ZNF611: variants seen among roughly 807,000 people sequenced by gnomAD.
The protein encoded by ZNF611 is zinc finger protein 611.
ZNF611 carries 6 observed loss-of-function variants against 8.9 expected under a neutral mutation model. The observed-to-expected ratio is 0.68, with a 90% CI of 0.37 to 1.34. The LOEUF is 1.34. Ranked by LOEUF, ZNF611 falls within the 40% of genes most tolerant of loss-of-function variation. The probability of loss-of-function intolerance (pLI) is 0.02; values close to 1 mark genes in which losing one functional copy is unlikely to be tolerated. For missense variants in ZNF611, 874 were observed against 841.3 expected (o/e 1.04, Z -0.48); for synonymous variants, 262 against 279.7 (o/e 0.94, Z 0.63).
intron 1 of ZNF611, among the ~76,000 whole-genome samples, chr19:52,732,223 T>C (rs991040047): frequency 1.3e-5 from 2 of 151,946 alleles, no homozygotes; most frequent in African/African-American, 4.8e-5. Flanking sequence ...TGAGCTGAGA[T>C]CGTGCCACTG....
At chr19:52,707,063 C>T (rs923734495) in intron 5 of ZNF611, among the ~76,000 whole-genome samples, 199 bp from the exon 6 acceptor site, 1 of 151,984 alleles carries the variant, frequency 6.6e-6, no homozygotes, top group Non-Finnish European at 1.5e-5. Flanking sequence ...TCTATGAAAG[C>T]CTATTTCCTA....
intron 3 of ZNF611, chr19:52,723,444 C>T (rs1014310556): frequency 9.2e-5 from 14 of 151,654 alleles, no homozygotes; most frequent in Admixed American, 4.6e-4. Flanking sequence ...TTAGTAGAGA[C>T]GGGGTTTCTC....
chr19:52,707,731 T>G (rs955531606), intron 5 of ZNF611, among the ~76,000 whole-genome samples: 2 of 151,934 alleles, frequency 1.3e-5, no homozygotes, highest in Non-Finnish European at 2.9e-5. Context: ...GCCTCCTGGG[T>G]TGAAGTGATT....
In ZNF611 at chr19:52,705,825, A is replaced by G. The variant is rs745876393; in HGVS notation, c.1230T>C (p.His410=). ...TTCTTCTATGTCGAGCCAGCTGTGA[A>G]TGCCACGTGAAAGCTGTGTCACAAA... ...CKVCDTAFTW[H]SQLARHRRIH... The change falls in exon 6 of 6, where the codon CAT becomes CAC. Residue 410 remains histidine, a synonymous_variant. Coordinates refer to ENST00000652185, the MANE Select transcript of ZNF611 (RefSeq NM_001161499.2). The G allele has an allele frequency of 6.2e-7, 1 of 1,613,644 alleles. No individual in the cohort carries two copies. The highest frequency in any genetic ancestry group is 1.7e-5 in the Admixed American group (1 of 59,970).
chr19:52,729,455 T>C (rs887259696), intron 2 of ZNF611, among the ~76,000 whole-genome samples: 2 of 118,046 alleles, frequency 1.7e-5, no homozygotes, highest in African/African-American at 6.7e-5. Flanking sequence ...ATTGCGCCAC[T>C]GCATTCCAGC....
At chr19:52,720,665 G>A (rs536543012) in intron 3 of ZNF611, among the ~76,000 whole-genome samples, 54 of 150,370 alleles carry the variant, frequency 3.6e-4, no homozygotes, top group Non-Finnish European at 6.1e-4. Context: ...CATCTCAGAC[G>A]GGGCGGCTGC....
Position 52,705,494 on chromosome 19 carries a change from G to A in ZNF611, c.1561C>T (p.Arg521Cys), listed in dbSNP as rs901901307. 3.7e-6 allele frequency: 6 copies of A among 1,613,846 alleles called. No homozygotes were observed. Among genetic ancestry groups the A allele is most frequent in the African/African-American group, 1.3e-5 (1 of 74,828 alleles). Residue 521 changes from arginine to cysteine, a missense_variant, in exon 6 of 6, where the codon CGT (arginine) becomes TGT (cysteine). Transcript: ENST00000652185. ...KCDECEKVFSRKSSLETHKIG... is the reference protein window; with the variant it reads ...KCDECEKVFSCKSSLETHKIG... ...TTATGTGTCTCAAGGCTTGATTTAC[G>A]ACTGAAAACCTTTTCACATTCATCA... is the stretch of plus-strand genomic sequence containing the variant.
rs149916305 is a variant in ZNF611, at chr19:52,709,166, G to C, written c.191-2302C>G. Among the ~76,000 whole-genome samples, 118 of 152,226 alleles carry C rather than the reference G, an allele frequency of 7.8e-4. 1 individual carries two copies. In the East Asian group the frequency reaches 0.022, roughly 29 times the overall value. On this transcript the variant is annotated intron_variant, in intron 5 of 5. Transcript: ENST00000652185. ...CCCCAATAGGATGTTCCTGCAGTTG[G>C]GGTCTTTTAGAGAGTTTTGTAATGG...
At chr19:52,732,242 C>T (rs2062430246) in intron 1 of ZNF611, among the ~76,000 whole-genome samples, 1 of 151,978 alleles carries the variant, frequency 6.6e-6, no homozygotes, top group Middle Eastern at 3.2e-3. Flanking sequence ...TGCACTCCAG[C>T]CTGGGTGACA....
intron 3 of ZNF611, among the ~76,000 whole-genome samples, 194 bp downstream of exon 3, chr19:52,728,536 G>C (rs9749370): frequency 0.037 from 5,563 of 152,068 alleles, 306 homozygotes; most frequent in African/African-American, 0.12. Context: ...GAAACTCCAT[G>C]TCCGAGAAAG....
In ZNF611 at chr19:52,706,258, T is replaced by C. The variant is rs2062243726; in HGVS notation, c.797A>G (p.Lys266Arg). Residue 266 changes from lysine to arginine, a missense_variant, in exon 6 of 6, where the codon AAG (lysine) becomes AGG (arginine). Coordinates refer to ENST00000652185, the MANE Select transcript of ZNF611 (RefSeq NM_001161499.2). ...AAGGTATTGCTCGTGATTAAAGAGC[T>C]TGCCACATACATCACATTTATATTG... ...DKQYKCDVCG[K>R]LFNHEQYLAC... 2 of 1,614,192 alleles carry C rather than the reference T, an allele frequency of 1.2e-6. No individual in the cohort carries two copies. Among genetic ancestry groups the C allele is most frequent in the Non-Finnish European group, 1.7e-6 (2 of 1,180,026 alleles).
intron 1 of ZNF611, among the ~76,000 whole-genome samples, chr19:52,733,588 C>T (rs901639142): frequency 5.3e-5 from 8 of 152,080 alleles, no homozygotes; most frequent in African/African-American, 1.7e-4. Context: ...AGACTACAGG[C>T]GTGAGCCACT....
At chr19:52,722,396 T>C (rs6509681) in intron 3 of ZNF611, among the ~76,000 whole-genome samples, 94,178 of 151,656 alleles carry the variant, frequency 0.62, 29,382 homozygotes, top group Middle Eastern at 0.65. Flanking sequence ...TATTAATTAA[T>C]TAATTAATTA....
chr19:52,711,358 C>CA (rs55993682), intron 5 of ZNF611: 102 of 147,686 alleles, frequency 6.9e-4, no homozygotes, highest in East Asian at 1.4e-3. Flanking sequence ...AAACAAAAAA[C>CA]AAAAAAAAAA....
rs2062229686 is a variant in ZNF611 at position 52,705,018 on chromosome 19, C to T, written c.2037G>A (p.Lys679=). 1 of 1,614,032 alleles carries T rather than the reference C, an allele frequency of 6.2e-7. No individual in the cohort carries two copies. The highest frequency in any genetic ancestry group is 1.1e-5 in the South Asian group (1 of 91,088). The change falls in exon 6 of 6, where the codon AAG becomes AAA. Residue 679 remains lysine (K), a synonymous_variant. Transcript: ENST00000652185. ...TAAAAGCCTTCCCACATTCATTACA[C>T]TTGTAAGGTTTCTCTGCAGTGTGAA... ...TRIHTAEKPY[K]CNECGKAFNQ... is the part of the protein sequence containing the mutation.
intron 1 of ZNF611, among the ~76,000 whole-genome samples, chr19:52,730,467 A>G (rs1004684043): frequency 6.6e-6 from 1 of 151,546 alleles, no homozygotes; most frequent in African/African-American, 2.4e-5. Context: ...ATTGGCCAAA[A>G]GCGATGTTCA....
At chr19:52,722,167 G>C (rs1600326253) in intron 3 of ZNF611, among the ~76,000 whole-genome samples, 1 of 151,948 alleles carries the variant, frequency 6.6e-6, no homozygotes, top group East Asian at 1.9e-4. Flanking sequence ...TTTCAGTCCA[G>C]CCTGGGAAAC....
At chr19:52,708,010 AAATT>A (rs1343843218) in intron 5 of ZNF611, among the ~76,000 whole-genome samples, 3 of 152,180 alleles carry the variant, frequency 2.0e-5, no homozygotes, top group Non-Finnish European at 2.9e-5. Context: ...AAAATTATAA[AAATT>A]AATTAATAAA....
chr19:52,722,080 G>A (rs1167788467), intron 3 of ZNF611, among the ~76,000 whole-genome samples: 1 of 151,470 alleles, frequency 6.6e-6, no homozygotes, highest in Non-Finnish European at 1.5e-5. Context: ...TTAGTATGTA[G>A]GCCAGGTGCG....
Sources: allele counts gnomAD v4.1 joint callset (sites outside exome capture counted in the v4.1 genomes callset), GRCh38; gene constraint gnomAD v4.1.1; transcripts MANE v1.5; gene names NCBI Gene and HGNC (gene_info 2026-07-23, HGNC 2026-07-21).